The following SHTN1 variants were observed in gnomAD, a reference collection of about 807,000 sequenced individuals.
The protein encoded by SHTN1 is shootin 1, also known as shootin-1.
A neutral mutation model predicts 83.1 loss-of-function variants in SHTN1; 42 were observed. That is an observed-to-expected ratio of 0.51 (90% CI 0.39 to 0.65). The LOEUF is 0.65. Among genes scored for constraint, SHTN1 ranks in the 30% least tolerant of loss-of-function variants. SHTN1 has a pLI of 0.00. For missense variants in SHTN1, 622 were observed against 737.8 expected (o/e 0.84, Z 1.82); for synonymous variants, 224 against 247.7 (o/e 0.90, Z 0.90).
At chr10:116,928,526 G>C (rs928202185) in intron 10 of SHTN1, among the ~76,000 whole-genome samples, 2 of 152,164 alleles carry the variant, frequency 1.3e-5, no homozygotes, top group African/African-American at 4.8e-5. Flanking sequence ...TACAGGAGAC[G>C]TAACACCTGA....
intron 2 of SHTN1, among the ~76,000 whole-genome samples, chr10:117,018,571 T>C (rs1852216317): frequency 1.4e-5 from 2 of 148,056 alleles, no homozygotes; most frequent in Non-Finnish European, 3.0e-5. Flanking sequence ...TCTCACCATT[T>C]TTTTTTTTTT....
chr10:117,026,196 G>GT (rs1164381801), intron 2 of SHTN1, among the ~76,000 whole-genome samples: 2 of 152,164 alleles, frequency 1.3e-5, no homozygotes, highest in African/African-American at 2.4e-5. Flanking sequence ...CTGCCTGAAA[G>GT]TTTGAGTCCC....
Position 116,954,098 on chromosome 10 carries a change from T to A in SHTN1, c.380A>T (p.Asp127Val), listed in dbSNP as rs1298120368. The change falls in exon 5 of 17, where the codon GAC (aspartate) becomes GTC (valine). Residue 127 changes from aspartate (D) to valine (V), a missense_variant. By Grantham distance (152) the Asp-to-Val change is radical. Coordinates refer to ENST00000355371, the MANE Select transcript of SHTN1 (RefSeq NM_001127211.3). ...INIDDEDSTT[D>V]TDGAAETCVS... Reference sequence around the variant, plus strand: ...ACAAGTCTCGGCGGCACCGTCTGTGTCTGTAGTCGAATCTTCATCATCAAT... The same window carrying A: ...ACAAGTCTCGGCGGCACCGTCTGTGACTGTAGTCGAATCTTCATCATCAAT... 2.2e-5 allele frequency: 35 copies of A among 1,613,990 alleles called. No individual in the cohort carries two copies. The highest frequency in any genetic ancestry group is 2.5e-5 in the Non-Finnish European group (30 of 1,180,004).
chr10:116,911,713 T>C, intron 14 of SHTN1, 77 bp downstream of exon 14: 3 of 1,582,162 alleles, frequency 1.9e-6, no homozygotes, highest in Non-Finnish European at 1.7e-6. Context: ...CCACAAACAA[T>C]TCACAAAAAA....
intron 4 of SHTN1, among the ~76,000 whole-genome samples, chr10:116,958,503 C>G (rs1177290018): frequency 6.6e-6 from 1 of 152,152 alleles, no homozygotes; most frequent in South Asian, 2.1e-4. Flanking sequence ...TTAGGTAACA[C>G]TGGTTCGTAA....
intron 1 of SHTN1, among the ~76,000 whole-genome samples, chr10:117,097,719 T>A (rs113298036): frequency 1.3e-5 from 2 of 152,352 alleles, no homozygotes; most frequent in Non-Finnish European, 2.9e-5. Flanking sequence ...GATTTTCAAA[T>A]GTATTTGAGA....
intron 9 of SHTN1, among the ~76,000 whole-genome samples, chr10:116,939,210 G>A (rs572960019): frequency 2.0e-5 from 3 of 152,304 alleles, no homozygotes; most frequent in South Asian, 4.1e-4. Flanking sequence ...TGCCACTGGA[G>A]TATGAAGAAA....
intron 2 of SHTN1, among the ~76,000 whole-genome samples, chr10:116,977,863 A>T (rs1850865636): frequency 6.6e-6 from 1 of 151,994 alleles, no homozygotes; most frequent in Non-Finnish European, 1.5e-5. Context: ...TTTTGTAAAG[A>T]TGGGGGTCTT....
intron 2 of SHTN1, among the ~76,000 whole-genome samples, chr10:117,033,143 G>A (rs1852444875): frequency 6.6e-6 from 1 of 151,466 alleles, no homozygotes; most frequent in Non-Finnish European, 1.5e-5. Context: ...AGAAAAGCAA[G>A]AGCAAACCAA....
intron 1 of SHTN1, among the ~76,000 whole-genome samples, chr10:116,980,418 T>C (rs1397257909): frequency 6.6e-6 from 1 of 152,070 alleles, no homozygotes; most frequent in African/African-American, 2.4e-5. Context: ...CTCAGCCTCC[T>C]GAGCAGCTGG....
intron 1 of SHTN1, 146 bp from the exon 2 acceptor site, chr10:116,979,454 A>AT (rs909730831): frequency 3.3e-5 from 21 of 644,084 alleles, no homozygotes; most frequent in Non-Finnish European, 4.6e-5. Context: ...TCTGCTTTTT[A>AT]TTTTTTTTAT....
Position 116,885,545 on chromosome 10 carries a change from A to G in SHTN1, c.*799T>C, listed in dbSNP as rs906974283. Reference sequence around the variant, plus strand: ...TTATCTTCACCATACTGTACATAAGAACTCTGATAAAATATGGTACTTGTG... The same window carrying G: ...TTATCTTCACCATACTGTACATAAGGACTCTGATAAAATATGGTACTTGTG... On this transcript the variant is annotated 3_prime_UTR_variant, in exon 17 of 17. Transcript: ENST00000355371. The G allele has an allele frequency of 2.0e-5, 3 of 152,634 alleles. No individual in the cohort carries two copies. The highest frequency in any genetic ancestry group is 7.2e-5 in the African/African-American group (3 of 41,446). 9.5% of individuals were successfully genotyped at this position (152,634 alleles called of 1,614,324 possible).
At chr10:117,124,187 G>T (rs1853972504) in intron 1 of SHTN1, among the ~76,000 whole-genome samples, 1 of 151,436 alleles carries the variant, frequency 6.6e-6, no homozygotes, top group Non-Finnish European at 1.5e-5. Context: ...ACTCCAGCCT[G>T]GGTGACAGAG....
intron 2 of SHTN1, among the ~76,000 whole-genome samples, chr10:117,017,210 G>A (rs1399308232): frequency 6.6e-6 from 1 of 152,164 alleles, no homozygotes; most frequent in African/African-American, 2.4e-5. Context: ...CAAATAACAA[G>A]GCCGGGCGCG....
intron 2 of SHTN1, among the ~76,000 whole-genome samples, chr10:117,012,950 GGCTTGTGC>G (rs1236694119): frequency 6.6e-6 from 1 of 152,018 alleles, no homozygotes; most frequent in Non-Finnish European, 1.5e-5. Context: ...CCAATGTAGT[GGCTTGTGC>G]CTGTAATTTC....
At chr10:116,907,765 A>C in intron 14 of SHTN1, 1 of 442,618 alleles carries the variant, frequency 2.3e-6, no homozygotes, top group South Asian at 1.6e-5. Flanking sequence ...ATCAGAGGAC[A>C]TAAGAACCTC....
intron 2 of SHTN1, among the ~76,000 whole-genome samples, chr10:117,029,111 T>C (rs1415290755): frequency 6.6e-6 from 1 of 152,224 alleles, no homozygotes; most frequent in Non-Finnish European, 1.5e-5. Flanking sequence ...CTTATATCAG[T>C]GTGCCCTGGA....
At chr10:116,893,509 C>T (rs1289864351) in intron 16 of SHTN1, among the ~76,000 whole-genome samples, 1 of 148,726 alleles carries the variant, frequency 6.7e-6, no homozygotes, top group Non-Finnish European at 1.5e-5. Flanking sequence ...AGTCTCTTCT[C>T]AGAAACAAAT....
chr10:116,966,751 G>T (rs1246943003), intron 3 of SHTN1, among the ~76,000 whole-genome samples: 2 of 152,090 alleles, frequency 1.3e-5, no homozygotes, highest in Non-Finnish European at 2.9e-5. Context: ...TATTTTATAA[G>T]CCCAACCATA....
Sources: gnomAD v4.1 joint callset for allele counts (sites outside exome capture counted in the v4.1 genomes callset) on GRCh38, gnomAD v4.1.1 for gene constraint, MANE v1.5 for transcripts, NCBI Gene and HGNC (gene_info 2026-07-23, HGNC 2026-07-21) for gene names.